Variants in NKAIN2 observed in about 807,000 individuals in gnomAD.
NKAIN2 encodes sodium/potassium-transporting ATPase subunit beta-1-interacting protein 2.
A neutral mutation model predicts 32.6 loss-of-function variants in NKAIN2; 14 were observed. The observed-to-expected ratio is 0.43, with a 90% CI of 0.28 to 0.67. NKAIN2 has a LOEUF of 0.67. Ranked by LOEUF, NKAIN2 falls within the 30% of genes least tolerant of loss-of-function variation. The pLI is 0.17. For synonymous variants in NKAIN2, 80 were observed against 87.2 expected, an observed-to-expected ratio of 0.92 and a Z score of 0.46; for missense variants, 198 against 258.3, an observed-to-expected ratio of 0.77 and a Z score of 1.60.
chr6:124,814,224 A>G (rs1195822957), intron 5 of NKAIN2, among the ~76,000 whole-genome samples: 3 of 152,172 alleles, frequency 2.0e-5, no homozygotes, highest in Admixed American at 1.3e-4. Context: ...GTTGATGCCT[A>G]TTCTTCTCCC....
intron 3 of NKAIN2, among the ~76,000 whole-genome samples, chr6:124,448,258 T>C (rs1254084671): frequency 6.6e-6 from 1 of 152,148 alleles, no homozygotes; most frequent in African/African-American, 2.4e-5. Context: ...CATTATCTTC[T>C]ATGTGCACAT....
intron 3 of NKAIN2, among the ~76,000 whole-genome samples, chr6:124,403,316 CATT>C (rs1773709102): frequency 1.3e-5 from 2 of 152,028 alleles, no homozygotes; most frequent in South Asian, 4.1e-4. Context: ...TGTGTATTGA[CATT>C]ATATCCAGCA....
chr6:124,169,948 A>G (rs1788763632), intron 1 of NKAIN2, among the ~76,000 whole-genome samples: 1 of 152,162 alleles, frequency 6.6e-6, no homozygotes, highest in Non-Finnish European at 1.5e-5. Context: ...GTAATTAAAT[A>G]GATTTAGTTA....
intron 5 of NKAIN2, among the ~76,000 whole-genome samples, chr6:124,807,916 C>G (rs561661700): frequency 6.7e-6 from 1 of 150,332 alleles, no homozygotes; most frequent in African/African-American, 2.4e-5. Context: ...CACATACACT[C>G]TCCCAAGACT....
chr6:124,060,510 C>G (rs1442104062), intron 1 of NKAIN2, among the ~76,000 whole-genome samples: 1 of 152,104 alleles, frequency 6.6e-6, no homozygotes, highest in African/African-American at 2.4e-5. Flanking sequence ...AAGCAGAAAG[C>G]CTGTGTTCCA....
chr6:123,852,141 G>A (rs1775373698), intron 1 of NKAIN2, among the ~76,000 whole-genome samples: 2 of 151,988 alleles, frequency 1.3e-5, no homozygotes, highest in African/African-American at 4.8e-5. Flanking sequence ...ATGTTATAAG[G>A]GTCCAATTTC....
intron 1 of NKAIN2, among the ~76,000 whole-genome samples, chr6:123,883,256 T>A (rs1773538499): frequency 6.6e-6 from 1 of 152,140 alleles, no homozygotes; most frequent in South Asian, 2.1e-4. Flanking sequence ...GCCATTCTCC[T>A]GCCTCAGCCT....
At chr6:124,522,835 T>C (rs529916791) in intron 3 of NKAIN2, among the ~76,000 whole-genome samples, 34 of 152,102 alleles carry the variant, frequency 2.2e-4, no homozygotes, top group African/African-American at 8.2e-4. Flanking sequence ...ATGAGGTTTT[T>C]TTGTAGGTTA....
At chr6:124,017,952 C>T (rs979879648) in intron 1 of NKAIN2, among the ~76,000 whole-genome samples, 3 of 152,208 alleles carry the variant, frequency 2.0e-5, no homozygotes, top group Non-Finnish European at 2.9e-5. Flanking sequence ...TGGGCTCACA[C>T]CCCACATTTC....
At chr6:123,885,682 G>A (rs1773678933) in intron 1 of NKAIN2, among the ~76,000 whole-genome samples, 1 of 152,044 alleles carries the variant, frequency 6.6e-6, no homozygotes, top group Admixed American at 6.6e-5. Flanking sequence ...GGAAGTACAA[G>A]AAAGAGATTT....
intron 1 of NKAIN2, among the ~76,000 whole-genome samples, chr6:124,271,294 G>A (rs1368574034): frequency 6.6e-6 from 1 of 152,070 alleles, no homozygotes; most frequent in Non-Finnish European, 1.5e-5. Context: ...TCGGCTCACT[G>A]CAAGCTCCAC....
Position 124,271,844 on chromosome 6 carries a change from G to A in NKAIN2, c.55-11161G>A, listed in dbSNP as rs188820800. ...TTGGGAACTGGAGTAAAGGTCACTCGTGCTATATTTTAGCAAAGAGATTGG... is the reference window on the plus strand; with the variant it reads ...TTGGGAACTGGAGTAAAGGTCACTCATGCTATATTTTAGCAAAGAGATTGG... On this transcript the variant is annotated intron_variant, in intron 1 of 6. Coordinates refer to ENST00000368417, the MANE Select transcript of NKAIN2 (RefSeq NM_001040214.3). 7.2e-5 allele frequency among the ~76,000 whole-genome samples: 11 copies of A among 152,258 alleles called. No individual in the cohort carries two copies. The East Asian group carries it at 7.7e-4, about 11-fold the overall frequency.
chr6:124,062,955 T>G (rs28653546), intron 1 of NKAIN2, among the ~76,000 whole-genome samples: 30,137 of 151,942 alleles, frequency 0.2, 3,367 homozygotes, highest in African/African-American at 0.3. Flanking sequence ...AGCAATTTGG[T>G]AGGCCAAGGA....
intron 1 of NKAIN2, among the ~76,000 whole-genome samples, chr6:124,031,307 T>G (rs1329025028): frequency 6.6e-6 from 1 of 152,114 alleles, no homozygotes; most frequent in Non-Finnish European, 1.5e-5. Context: ...CTTTTCTTCT[T>G]TATTAGTCTT....
At chr6:124,668,043 G>T (rs1772894642) in intron 4 of NKAIN2, among the ~76,000 whole-genome samples, 1 of 151,916 alleles carries the variant, frequency 6.6e-6, no homozygotes, top group Admixed American at 6.6e-5. Flanking sequence ...CTTCTGTCCT[G>T]ACTGCCATTT....
At chr6:124,613,770 C>T (rs1562284504) in intron 3 of NKAIN2, among the ~76,000 whole-genome samples, 1 of 152,114 alleles carries the variant, frequency 6.6e-6, no homozygotes, top group Admixed American at 6.5e-5. Context: ...TATTCAATTT[C>T]TTTTTTTCAT....
chr6:124,089,559 T>C (rs1376193101), intron 1 of NKAIN2, among the ~76,000 whole-genome samples: 2 of 151,896 alleles, frequency 1.3e-5, no homozygotes, highest in East Asian at 3.9e-4. Context: ...TTATGTGACT[T>C]TCTCTTTGTA....
chr6:124,254,775 A>T (rs2114820127), intron 1 of NKAIN2, among the ~76,000 whole-genome samples: 1 of 152,232 alleles, frequency 6.6e-6, no homozygotes, highest in East Asian at 1.9e-4. Flanking sequence ...AGAAACATTA[A>T]AACTAGATAG....
At chr6:124,609,581 A>T (rs1270423875) in intron 3 of NKAIN2, among the ~76,000 whole-genome samples, 1 of 152,076 alleles carries the variant, frequency 6.6e-6, no homozygotes, top group South Asian at 2.1e-4. Context: ...CATGTGTCTG[A>T]TCGATGTGTC....
Sources: allele counts gnomAD v4.1 joint callset (sites outside exome capture counted in the v4.1 genomes callset), GRCh38; gene constraint gnomAD v4.1.1; transcripts MANE v1.5; gene names NCBI Gene and HGNC (gene_info 2026-07-23, HGNC 2026-07-21).